The following AGBL1 variants were observed in gnomAD, a reference collection of about 807,000 sequenced individuals.
AGBL1 encodes cytosolic carboxypeptidase 4.
In AGBL1, 130 loss-of-function variants were observed where a neutral mutation model predicts 118.9. The observed-to-expected ratio is 1.09, with a 90% CI of 0.95 to 1.26. The LOEUF (loss-of-function observed/expected upper bound fraction) is 1.26, where lower values mean the gene tolerates loss of function less well. Among genes scored for constraint, AGBL1 ranks in the 50% most tolerant of loss-of-function variants. The pLI is 0.00. For synonymous variants in AGBL1, 555 were observed against 478.9 expected, an observed-to-expected ratio of 1.16 and a Z score of -2.08; for missense variants, 1,584 against 1,298.1, an observed-to-expected ratio of 1.22 and a Z score of -3.38.
intron 18 of AGBL1, among the ~76,000 whole-genome samples, chr15:86,423,145 T>G (rs2081815167): frequency 6.6e-6 from 1 of 152,188 alleles, no homozygotes; most frequent in Non-Finnish European, 1.5e-5. Flanking sequence ...AAAGAAAAGT[T>G]CAGGCCAATA....
At chr15:86,434,639 A>G (rs917849714) in intron 18 of AGBL1, among the ~76,000 whole-genome samples, 1 of 152,172 alleles carries the variant, frequency 6.6e-6, no homozygotes, top group Non-Finnish European at 1.5e-5. Context: ...GCCAGTCAAC[A>G]TTTTCATCAA....
At chr15:86,808,471 A>T (rs2078746768) in intron 22 of AGBL1, among the ~76,000 whole-genome samples, 1 of 152,168 alleles carries the variant, frequency 6.6e-6, no homozygotes, top group Admixed American at 6.5e-5. Flanking sequence ...AATGAGAGAT[A>T]TAAAAATGGC....
At chr15:86,857,548 A>G (rs890955125) in intron 22 of AGBL1, among the ~76,000 whole-genome samples, 2 of 152,094 alleles carry the variant, frequency 1.3e-5, no homozygotes, top group Admixed American at 1.3e-4. Flanking sequence ...CTGGCTAACT[A>G]TTCCTTACTT....
rs77141402 is a variant in AGBL1 at position 86,777,710 on chromosome 15, A to G, written c.3158+103274A>G. On this transcript the variant is annotated intron_variant, in intron 22 of 22. Coordinates refer to ENST00000614907, the MANE Select transcript of AGBL1 (RefSeq NM_001386094.1). The stretch of plus-strand genomic sequence containing the variant: ...TTTTACATGGAAAATTTTATTTTGA[A>G]TATGTTTCATCTTGAAACTAATTGT... Among the ~76,000 whole-genome samples the G allele has an allele frequency of 6.0e-3, 916 of 152,288 alleles. 41 individuals are homozygous for G. The East Asian group carries it at 0.13, about 21-fold the overall frequency.
At chr15:86,459,980 AATTG>A (rs1226028049) in intron 18 of AGBL1, among the ~76,000 whole-genome samples, 2 of 152,114 alleles carry the variant, frequency 1.3e-5, no homozygotes, top group Non-Finnish European at 2.9e-5. Context: ...GCTTGAGCAT[AATTG>A]ATGGCAAAAT....
At position 86,927,290 on chromosome 15, in the gene AGBL1, T is replaced by C. The variant is rs142926859; in HGVS notation, c.3222-60697T>C. Among the ~76,000 whole-genome samples, 836 of 152,164 alleles carry C rather than the reference T, an allele frequency of 5.5e-3. 7 individuals are homozygous for C. Among genetic ancestry groups the C allele is most frequent in the Non-Finnish European group, 8.6e-3 (582 of 68,000 alleles). On this transcript the variant is annotated intron_variant, in intron 23 of 24. Coordinates refer to the AGBL1 transcript ENST00000441037. ...TCAAAGTAGCTCAACTTACAAATAA[T>C]AAGGAAAGTTATTTTAGGCCAGGTG...
At chr15:86,651,453 G>C (rs1596338308) in intron 21 of AGBL1, among the ~76,000 whole-genome samples, 1 of 152,156 alleles carries the variant, frequency 6.6e-6, no homozygotes, top group African/African-American at 2.4e-5. Flanking sequence ...AAATGGCATG[G>C]CTTTCCTTGC....
chr15:86,416,482 T>A (rs1006454883), intron 18 of AGBL1, among the ~76,000 whole-genome samples: 1 of 152,170 alleles, frequency 6.6e-6, no homozygotes, highest in African/African-American at 2.4e-5. Context: ...TTTGTGATAG[T>A]AACTGTGGAA....
At chr15:86,424,479 C>T (rs2081839155) in intron 18 of AGBL1, among the ~76,000 whole-genome samples, 1 of 152,088 alleles carries the variant, frequency 6.6e-6, no homozygotes, top group Non-Finnish European at 1.5e-5. Flanking sequence ...TAGGCATGGG[C>T]AAAGACTTTG....
chr15:86,606,723 A>C (rs540551666), intron 21 of AGBL1, among the ~76,000 whole-genome samples: 1 of 152,294 alleles, frequency 6.6e-6, no homozygotes, highest in East Asian at 1.9e-4. Context: ...GAGGGTTCTC[A>C]TATATCCCCT....
chr15:86,136,535 A>G (rs2076891569), intron 1 of AGBL1, among the ~76,000 whole-genome samples: 1 of 152,206 alleles, frequency 6.6e-6, no homozygotes, highest in East Asian at 1.9e-4. Flanking sequence ...TGGGAAAACC[A>G]TAAAGAAAAG....
chr15:86,900,307 C>T (rs72754026), intron 22 of AGBL1, among the ~76,000 whole-genome samples: 18,316 of 152,032 alleles, frequency 0.12, 1,254 homozygotes, highest in African/African-American at 0.19. Context: ...TAGTTCTGTC[C>T]CTTTAGAGAA....
intron 22 of AGBL1, among the ~76,000 whole-genome samples, chr15:86,863,634 G>T (rs1321284592): frequency 6.6e-6 from 1 of 152,126 alleles, no homozygotes; most frequent in Non-Finnish European, 1.5e-5. Context: ...GTAGGTATTG[G>T]GAAGTGTTCC....
chr15:86,102,266 C>A (rs145056078), intron 1 of AGBL1, among the ~76,000 whole-genome samples: 1 of 152,168 alleles, frequency 6.6e-6, no homozygotes, highest in Non-Finnish European at 1.5e-5. Flanking sequence ...ATCTCAAACT[C>A]CTGACCTCAA....
At chr15:86,849,276 T>G (rs1023113279) in intron 22 of AGBL1, among the ~76,000 whole-genome samples, 1 of 152,230 alleles carries the variant, frequency 6.6e-6, no homozygotes, top group African/African-American at 2.4e-5. Context: ...AAATTGCAAG[T>G]CCCTCGGAAG....
At chr15:86,796,430 G>A (rs921469377) in intron 22 of AGBL1, among the ~76,000 whole-genome samples, 2 of 152,150 alleles carry the variant, frequency 1.3e-5, no homozygotes, top group African/African-American at 4.8e-5. Flanking sequence ...CAAGTGCAAG[G>A]GTCAAAGATA....
At chr15:87,009,016 A>AT (rs2081532078) in intron 24 of AGBL1, among the ~76,000 whole-genome samples, 1 of 152,170 alleles carries the variant, frequency 6.6e-6, no homozygotes, top group Non-Finnish European at 1.5e-5. Flanking sequence ...ATAAAATCCT[A>AT]TTTTCTGAGG....
intron 17 of AGBL1, among the ~76,000 whole-genome samples, chr15:86,351,152 G>A (rs1016045091): frequency 1.3e-5 from 2 of 152,112 alleles, no homozygotes; most frequent in African/African-American, 2.4e-5. Context: ...TGGAGGCTGG[G>A]AAGTCCAAAA....
intron 17 of AGBL1, among the ~76,000 whole-genome samples, chr15:86,324,443 G>T (rs2080153138): frequency 6.6e-6 from 1 of 152,180 alleles, no homozygotes; most frequent in South Asian, 2.1e-4. Context: ...AGTGAGTGAA[G>T]GTCCACTGAT....
Sources: gnomAD v4.1 joint callset for allele counts (sites outside exome capture counted in the v4.1 genomes callset) on GRCh38, gnomAD v4.1.1 for gene constraint, MANE v1.5 for transcripts, NCBI Gene and HGNC (gene_info 2026-07-23, HGNC 2026-07-21) for gene names.